Variants in AGRN observed in about 807,000 individuals in gnomAD.
The protein encoded by AGRN is agrin proteoglycan.
Under a neutral mutation model 211.0 loss-of-function variants are expected in AGRN, and 106 were observed. The ratio of observed to expected loss-of-function variants is 0.50; its 90% CI spans 0.43 to 0.59. The LOEUF (loss-of-function observed/expected upper bound fraction) is 0.59. AGRN is among the 20% of genes least tolerant of loss of function. The pLI is 0.00. For missense variants in AGRN, 3,040 were observed against 2,982.6 expected (o/e 1.02, Z -0.45); for synonymous variants, 1,525 against 1,332.5 (o/e 1.14, Z -3.15).
In AGRN at chr1:1,041,497, C is replaced by T. The variant is rs199659613; in HGVS notation, c.972C>T (p.Leu324=). ...CCCCAGACCCCTGTCAGGGCGCCCTCCCTGACCCGAGCCGCAGCTGCCGTG... is the reference window on the plus strand; with the variant it reads ...CCCCAGACCCCTGTCAGGGCGCCCTTCCTGACCCGAGCCGCAGCTGCCGTG... ...DGPCDPCQGA[L]PDPSRSCRVN... The change falls in exon 6 of 36, where the codon CTC becomes CTT. Residue 324 remains leucine, a synonymous_variant. Coordinates refer to ENST00000379370, the MANE Select transcript of AGRN (RefSeq NM_198576.4). The T allele has an allele frequency of 1.9e-6, 3 of 1,596,976 alleles. No individual in the cohort carries two copies. Among genetic ancestry groups the T allele is most frequent in the East Asian group, 4.5e-5 (2 of 44,660 alleles).
chr1:1,054,716 C>T (rs1048232720), intron 35 of AGRN, 108 bp from the exon 36 acceptor site: 44 of 1,497,858 alleles, frequency 2.9e-5, no homozygotes, highest in Admixed American at 3.9e-5. Context: ...GCTGTGGGGC[C>T]GGGAGGCGGG....
At position 1,040,765 on chromosome 1, in the gene AGRN, C is replaced by T; in HGVS notation, c.612C>T (p.Ser204=). The T allele has an allele frequency of 6.5e-7, 1 of 1,541,886 alleles. No homozygotes were observed. The highest frequency in any genetic ancestry group is 1.4e-5 in the African/African-American group (1 of 73,012). The change falls in exon 4 of 36, where the codon AGC becomes AGT. Residue 204 remains serine (S), a synonymous_variant. Coordinates refer to ENST00000379370, the MANE Select transcript of AGRN (RefSeq NM_198576.4). ...SCVCKKSPCP[S]VVAPVCGSDA... ...TCTGCAAGAAGAGCCCGTGCCCCAG[C>T]GTGGTGGCGCCTGTGTGTGGGTCGG...
Position 1,044,251 on chromosome 1 carries a change from C to G in AGRN, c.2142C>G (p.Gly714=), listed in dbSNP as rs372705597. The G allele has an allele frequency of 8.7e-6, 14 of 1,612,618 alleles. No individual in the cohort carries two copies. The highest frequency in any genetic ancestry group is 1.2e-5 in the Non-Finnish European group (14 of 1,179,868). ...VCDFSCQSVP[G]SPVCGSDGVT... is the part of the protein sequence containing the mutation. ...ACTTCAGCTGCCAGAGTGTCCCAGG[C>G]AGCCCGGTGAGCTCTGTACCCCTGG... Residue 714 remains glycine (G), a synonymous_variant, in exon 11 of 36, where the codon GGC becomes GGG. Transcript: ENST00000379370.
At chr1:1,022,116 A>G (rs1297671867) in intron 1 of AGRN, 85 bp from the exon 2 acceptor site, 1 of 1,538,084 alleles carries the variant, frequency 6.5e-7, no homozygotes. Context: ...TCTACTGTGG[A>G]CATTTGCCCT....
intron 3 of AGRN, 83 bp downstream of exon 3, chr1:1,035,407 C>A: frequency 1.3e-6 from 2 of 1,542,160 alleles, no homozygotes; most frequent in Non-Finnish European, 1.8e-6. Flanking sequence ...TGCACCCAGA[C>A]GTGTGGAGTG....
chr1:1,029,202 C>T (rs1292606829), intron 2 of AGRN, among the ~76,000 whole-genome samples: 1 of 152,224 alleles, frequency 6.6e-6, no homozygotes, highest in African/African-American at 2.4e-5. Flanking sequence ...CCAACCCCCA[C>T]CTTCTGAGGG....
At position 1,031,123 on chromosome 1, in the gene AGRN, AGAT is replaced by A. The variant is rs1297150274; in HGVS notation, c.464-4152_464-4150del. ...TGTGTGCGGTGCATGGTGCTGTGTG[AGAT>A]GTGTGTGTGTGCAGTGCATGGTGCT... On this transcript the variant is annotated intron_variant, in intron 2 of 35. Coordinates refer to ENST00000379370, the MANE Select transcript of AGRN (RefSeq NM_198576.4). This position sits in a 1 kb window ranked among gnomAD's most constrained non-coding sequence, Gnocchi z 4.8. 1.2e-5 allele frequency among the ~76,000 whole-genome samples: 1 copy of A among 81,136 alleles called. No homozygotes were observed. The highest frequency in any genetic ancestry group is 1.5e-4 in the Admixed American group (1 of 6,754). The allele number at this position is 81,136 out of a possible 152,430, so 53.2% of individuals were successfully genotyped here.
In AGRN at chr1:1,045,837, C is replaced by G; in HGVS notation, c.2641C>G (p.Pro881Ala). Residue 881 changes from proline (P) to alanine (A), a missense_variant, in exon 15 of 36, where the codon CCA becomes GCA. Pro to Ala is a conservative substitution (Grantham distance 27, BLOSUM62 -1). Around this residue, in one of 3 missense-constraint regions of AGRN, gnomAD observed 1,498 missense variants for 1,457.8 expected, o/e 1.03. Transcript: ENST00000379370. ...GGCTGGACCCAAGTGTGGGCAGTGT[C>G]CAGACGGCCGTGCCCTGGGCCCCGC... The part of the protein sequence containing the change: ...GVAGPKCGQC[P>A]DGRALGPAGC... 1 of 1,612,234 alleles carries G rather than the reference C, an allele frequency of 6.2e-7. No homozygotes were observed. The highest frequency in any genetic ancestry group is 8.5e-7 in the Non-Finnish European group (1 of 1,179,884).
intron 35 of AGRN, 107 bp from the exon 36 acceptor site, chr1:1,054,717 G>T: frequency 6.7e-7 from 1 of 1,500,830 alleles, no homozygotes; most frequent in South Asian, 1.2e-5. Context: ...CTGTGGGGCC[G>T]GGAGGCGGGT....
rs1644912341 is a variant in AGRN at position 1,040,884 on chromosome 1, AGCGGGGCGGGGCCGGTGCCTGGG to A, written c.727+11_727+33del. 6.7e-7 allele frequency: 1 copy of A among 1,493,434 alleles called. No homozygotes were observed. The highest frequency in any genetic ancestry group is 8.8e-7 in the Non-Finnish European group (1 of 1,130,244). The allele number at this position is 1,493,434 out of a possible 1,614,324, so 92.5% of individuals were successfully genotyped here. A position where few individuals can be genotyped will look rare whatever the true frequency, so the allele number is the denominator to read the frequency against. On this transcript the variant is annotated splice_donor_5th_base_variant and intron_variant, in intron 4 of 35. Coordinates refer to ENST00000379370, the MANE Select transcript of AGRN (RefSeq NM_198576.4). ...CTGCTCAGCCGCGGGCCGTGCGGTGAGCGGGGCGGGGCCGGTGCCTGGGGCGGGGAGGGGCGGGGCCTATGAGA... is the reference window on the plus strand; with the variant it reads ...CTGCTCAGCCGCGGGCCGTGCGGTGAGCGGGGAGGGGCGGGGCCTATGAGA...
rs1382207144 is a variant in AGRN, at chr1:1,032,902, G to A, written c.464-2375G>A. Among the ~76,000 whole-genome samples the A allele has an allele frequency of 6.6e-6, 1 of 152,072 alleles. No homozygotes were observed. The highest frequency in any genetic ancestry group is 2.4e-5 in the African/African-American group (1 of 41,412). On this transcript the variant is annotated intron_variant, in intron 2 of 35. Coordinates refer to ENST00000379370, the MANE Select transcript of AGRN (RefSeq NM_198576.4). The surrounding 1 kb of genome is among the most constrained non-coding windows in gnomAD (Gnocchi z 4.7). ...GTCGGGCCTGGCATGGACTCTAGGG[G>A]ATGGTGCACACACCGGACCGGACGG...
chr1:1,042,245 C>T (rs947177442), intron 7 of AGRN, 83 bp downstream of exon 7: 4 of 1,457,544 alleles, frequency 2.7e-6, no homozygotes, highest in South Asian at 1.3e-5. Context: ...CATCTTCATC[C>T]ATCATGTTCC....
intron 24 of AGRN, 81 bp downstream of exon 24, chr1:1,049,140 C>A: frequency 2.0e-6 from 1 of 504,746 alleles, no homozygotes; most frequent in Non-Finnish European, 2.7e-6. Flanking sequence ...CGGGGCAGCT[C>A]AGGTGGGTGG....
intron 21 of AGRN, 21 bp downstream of exon 21, chr1:1,047,708 C>T: frequency 1.2e-6 from 2 of 1,612,886 alleles, no homozygotes; most frequent in South Asian, 1.1e-5. Flanking sequence ...CACCCTGGAC[C>T]CTTCCTGGGA....
At chr1:1,026,763 G>A (rs529193241) in intron 2 of AGRN, among the ~76,000 whole-genome samples, 1 of 152,170 alleles carries the variant, frequency 6.6e-6, no homozygotes, top group Non-Finnish European at 1.5e-5. Context: ...ATGGAACCCC[G>A]GGGTCCCAGG....
chr1:1,040,263 A>T (rs1332873122), intron 3 of AGRN, among the ~76,000 whole-genome samples: 2 of 152,170 alleles, frequency 1.3e-5, no homozygotes, highest in African/African-American at 4.8e-5. Context: ...CCTGAGCAGA[A>T]CTGGGGCCTG....
At position 1,045,771 on chromosome 1, in the gene AGRN, T is replaced by G; in HGVS notation, c.2575T>G (p.Cys859Gly). 1 of 1,613,376 alleles carries G rather than the reference T, an allele frequency of 6.2e-7. No homozygotes were observed. The highest frequency in any genetic ancestry group is 1.1e-5 in the South Asian group (1 of 91,090). ...CDPQGAVRDD[C>G]EQMTGLCSCK... ...TCCCCAAGGCGCCGTGCGGGATGAC[T>G]GTGAGCAGATGACGGGGCTGTGCTC... The change falls in exon 15 of 36, where the codon TGT becomes GGT. Residue 859 changes from cysteine to glycine, a missense_variant. By Grantham distance (159) the Cys-to-Gly change is radical. Transcript: ENST00000379370.
In AGRN at chr1:1,044,165, C is replaced by A. The variant is rs142753651; in HGVS notation, c.2056C>A (p.Leu686Met). The A allele has an allele frequency of 4.3e-6, 7 of 1,613,280 alleles. No individual in the cohort carries two copies. Among genetic ancestry groups the A allele is most frequent in the Non-Finnish European group, 5.9e-6 (7 of 1,179,932 alleles). ...GGAGGACGGTGACTGTGAGCAGGAG[C>A]TGTGCCGGCAGCGCGGTGGCATCTG... ...SGEDGDCEQE[L>M]CRQRGGIWDE... is the part of the protein sequence containing the mutation. Residue 686 changes from leucine to methionine, a missense_variant, in exon 11 of 36, where the codon CTG (leucine) becomes ATG (methionine). Physicochemically the swap from Leu to Met is conservative, Grantham distance 15 (BLOSUM62 2). Transcript: ENST00000379370.
rs1645254297 is a variant in AGRN, at chr1:1,050,606, G to C, written c.5141+15G>C. On this transcript the variant is annotated intron_variant, in intron 29 of 35. Coordinates refer to ENST00000379370, the MANE Select transcript of AGRN (RefSeq NM_198576.4). Reference sequence around the variant, plus strand: ...GCGGTCATCAGGTGGGCCGGCAAGGGTGGCTCTGGGAGGCCTGGGGCACTG... The same window carrying C: ...GCGGTCATCAGGTGGGCCGGCAAGGCTGGCTCTGGGAGGCCTGGGGCACTG... 4 of 1,606,740 alleles carry C rather than the reference G, an allele frequency of 2.5e-6. No homozygotes were observed. Among genetic ancestry groups the C allele is most frequent in the Non-Finnish European group, 3.4e-6 (4 of 1,176,870 alleles).
Sources: allele counts gnomAD v4.1 joint callset (sites outside exome capture counted in the v4.1 genomes callset), GRCh38; gene constraint gnomAD v4.1.1; regional missense constraint gnomAD v4.1.1; non-coding constraint Gnocchi (gnomAD v3.1); transcripts MANE v1.5; gene names NCBI Gene and HGNC (gene_info 2026-07-23, HGNC 2026-07-21).